RALYL: variants seen among roughly 807,000 people sequenced by gnomAD.
RALYL encodes RALY RNA binding protein like, also known as RNA-binding Raly-like protein.
In RALYL, 29 loss-of-function variants were observed where a neutral mutation model predicts 35.1. That is an observed-to-expected ratio of 0.83 (90% CI 0.61 to 1.13). RALYL has a LOEUF of 1.13. Among genes scored for constraint, RALYL ranks in the 50% most tolerant of loss-of-function variants. RALYL has a pLI of 0.00. For synonymous variants in RALYL, 120 were observed against 127.6 expected (o/e 0.94, Z 0.40); for missense variants, 359 against 360.4 (o/e 1.00, Z 0.03).
intron 2 of RALYL, among the ~76,000 whole-genome samples, chr8:84,613,664 A>C (rs1818807353): frequency 6.6e-6 from 1 of 151,510 alleles, no homozygotes; most frequent in Non-Finnish European, 1.5e-5. Context: ...TTTATCACTT[A>C]TAGAATCCTG....
chr8:84,762,343 C>T (rs1487545374), intron 2 of RALYL, among the ~76,000 whole-genome samples: 1 of 152,098 alleles, frequency 6.6e-6, no homozygotes, highest in East Asian at 1.9e-4. Flanking sequence ...GGTGAAGGAT[C>T]TTAGATCTTT....
chr8:84,614,000 T>A (rs1225345699), intron 2 of RALYL, among the ~76,000 whole-genome samples: 1 of 151,248 alleles, frequency 6.6e-6, no homozygotes, highest in East Asian at 1.9e-4. Context: ...CTCTTCCAAA[T>A]TCATCTCCAC....
intron 1 of RALYL, among the ~76,000 whole-genome samples, chr8:84,244,102 A>G (rs1304910130): frequency 6.6e-6 from 1 of 152,084 alleles, no homozygotes; most frequent in East Asian, 1.9e-4. Context: ...TGCATATTCA[A>G]TTAAATAGAA....
intron 6 of RALYL, among the ~76,000 whole-genome samples, chr8:84,869,939 TGTA>T (rs1251998997): frequency 6.6e-6 from 1 of 152,156 alleles, no homozygotes; most frequent in East Asian, 1.9e-4. Context: ...TGTATCAGAA[TGTA>T]ATAACATTTA....
chr8:84,278,867 C>T (rs1045936235), intron 1 of RALYL, among the ~76,000 whole-genome samples: 16 of 152,220 alleles, frequency 1.1e-4, no homozygotes, highest in Non-Finnish European at 2.4e-4. Flanking sequence ...CTGTCCTCTT[C>T]TGAGCCCTCC....
chr8:84,226,800 A>G (rs1485142710), intron 1 of RALYL, among the ~76,000 whole-genome samples: 1 of 152,160 alleles, frequency 6.6e-6, no homozygotes, highest in African/African-American at 2.4e-5. Flanking sequence ...TCAAAATTAA[A>G]AATCCAGTTG....
At chr8:84,378,882 G>T (rs1586720486) in intron 1 of RALYL, among the ~76,000 whole-genome samples, 1 of 151,792 alleles carries the variant, frequency 6.6e-6, no homozygotes, top group African/African-American at 2.4e-5. Flanking sequence ...TATTTTGGGT[G>T]CTTACCACAT....
intron 2 of RALYL, among the ~76,000 whole-genome samples, chr8:84,713,816 A>G (rs1404398464): frequency 6.6e-6 from 1 of 151,528 alleles, no homozygotes; most frequent in African/African-American, 2.4e-5. Context: ...ACAAAAGTCA[A>G]GATTGGAATC....
At chr8:84,445,767 GACA>G (rs1587338004) in intron 1 of RALYL, among the ~76,000 whole-genome samples, 1 of 151,434 alleles carries the variant, frequency 6.6e-6, no homozygotes, top group East Asian at 1.9e-4. Flanking sequence ...TCCCTCTTGT[GACA>G]ACATCAATGA....
At chr8:84,506,474 T>C (rs1440960260) in intron 1 of RALYL, among the ~76,000 whole-genome samples, 1 of 152,084 alleles carries the variant, frequency 6.6e-6, no homozygotes, top group Non-Finnish European at 1.5e-5. Flanking sequence ...TTCAAATTAC[T>C]GTTTTCTAAA....
In RALYL at chr8:84,849,178, C is replaced by T. The variant is rs551072943; in HGVS notation, c.366-802C>T. On this transcript the variant is annotated intron_variant, in intron 4 of 8. Coordinates refer to ENST00000521268, the MANE Select transcript of RALYL (RefSeq NM_173848.7). ...AATATATTCTTTTAGGGAGCTTAGT[C>T]GTAATACTGTTATCTCTGAAATGCA... 4.6e-5 allele frequency among the ~76,000 whole-genome samples: 7 copies of T among 152,158 alleles called. No homozygotes were observed. The East Asian group carries it at 1.4e-3, about 29-fold the overall frequency.
intron 1 of RALYL, among the ~76,000 whole-genome samples, chr8:84,492,104 C>CA (rs2055381180): frequency 6.6e-6 from 1 of 151,798 alleles, no homozygotes; most frequent in South Asian, 2.1e-4. Context: ...CTAATGTTTC[C>CA]ACTTGCAAAA....
chr8:84,706,843 C>A (rs910302403), intron 2 of RALYL, among the ~76,000 whole-genome samples: 1 of 152,244 alleles, frequency 6.6e-6, no homozygotes, highest in South Asian at 2.1e-4. Flanking sequence ...AAGTTTAACT[C>A]TTTATCACTT....
At chr8:84,224,216 A>T (rs1028383693) in intron 1 of RALYL, among the ~76,000 whole-genome samples, 1 of 152,096 alleles carries the variant, frequency 6.6e-6, no homozygotes, top group African/African-American at 2.4e-5. Context: ...CATCAGAACC[A>T]AGCTCTAAGT....
intron 1 of RALYL, among the ~76,000 whole-genome samples, chr8:84,305,481 G>T (rs186754742): frequency 2.4e-4 from 37 of 152,146 alleles, no homozygotes; most frequent in Admixed American, 3.3e-4. Context: ...TTAAAAATTT[G>T]TATAGATTTA....
intron 1 of RALYL, among the ~76,000 whole-genome samples, chr8:84,448,074 A>G (rs1052223885): frequency 1.3e-5 from 2 of 152,068 alleles, no homozygotes; most frequent in African/African-American, 4.8e-5. Context: ...ACATATAGTT[A>G]AATTTATACA....
intron 1 of RALYL, among the ~76,000 whole-genome samples, chr8:84,187,678 T>A (rs750775453): frequency 1.3e-5 from 2 of 152,112 alleles, no homozygotes; most frequent in Non-Finnish European, 2.9e-5. Context: ...ATATACAAAT[T>A]GTTAATTAGA....
At chr8:84,780,958 G>A (rs2634043) in intron 3 of RALYL, among the ~76,000 whole-genome samples, 34,810 of 152,028 alleles carry the variant, frequency 0.23, 4,224 homozygotes, top group Non-Finnish European at 0.25. Context: ...TCCCAGGTTC[G>A]AGTGATCTTC....
chr8:84,622,140 A>G (rs181799595), intron 2 of RALYL, among the ~76,000 whole-genome samples: 3 of 152,310 alleles, frequency 2.0e-5, no homozygotes, highest in African/African-American at 7.2e-5. Context: ...AGACAAACAT[A>G]GTAGTGAATG....
Sources: allele counts gnomAD v4.1 joint callset (sites outside exome capture counted in the v4.1 genomes callset), GRCh38; gene constraint gnomAD v4.1.1; transcripts MANE v1.5; gene names NCBI Gene and HGNC (gene_info 2026-07-23, HGNC 2026-07-21).